Variants in PRPSAP2 observed in about 807,000 individuals in gnomAD.
The protein encoded by PRPSAP2 is phosphoribosyl pyrophosphate synthase-associated protein 2.
A neutral mutation model predicts 40.6 loss-of-function variants in PRPSAP2; 24 were observed. The ratio of observed to expected loss-of-function variants is 0.59; its 90% CI spans 0.43 to 0.83. The LOEUF (loss-of-function observed/expected upper bound fraction) is 0.83, where lower values mean the gene tolerates loss of function less well. PRPSAP2 is among the 40% of genes least tolerant of loss of function. The pLI is 0.00. For synonymous variants in PRPSAP2, 149 were observed against 164.7 expected (o/e 0.90, Z 0.73); for missense variants, 292 against 465.6 (o/e 0.63, Z 3.43).
At chr17:18,878,830 C>T (rs2038499378) in intron 6 of PRPSAP2, among the ~76,000 whole-genome samples, 1 of 151,886 alleles carries the variant, frequency 6.6e-6, no homozygotes, top group Admixed American at 6.6e-5. Flanking sequence ...AGGCGTAAGC[C>T]ACTGCACCCG....
In PRPSAP2 at chr17:18,882,701, TTTTTA is replaced by T. The variant is rs371719255; in HGVS notation, c.528+24_528+28del. ...AAGAAGAGGTGAGCTAGCTCAAACT[TTTTTA>T]TTTTAACATTCTGATTAAGGTTGAA... On this transcript the variant is annotated intron_variant, in intron 7 of 11. Coordinates refer to ENST00000268835, the MANE Select transcript of PRPSAP2 (RefSeq NM_002767.4). 22 of 1,466,862 alleles carry T rather than the reference TTTTTA, an allele frequency of 1.5e-5. No homozygotes were observed. In the African/African-American group the frequency reaches 1.7e-4, roughly 11 times the overall value. 90.9% of individuals were successfully genotyped at this position (1,466,862 alleles called of 1,614,324 possible).
chr17:18,862,093 G>T (rs868664475), intron 1 of PRPSAP2, among the ~76,000 whole-genome samples: 1 of 152,130 alleles, frequency 6.6e-6, no homozygotes, highest in African/African-American at 2.4e-5. Context: ...TCACCATGTT[G>T]GCCAGACTGG....
At position 18,882,699 on chromosome 17, in the gene PRPSAP2, CTT is replaced by C; in HGVS notation, c.528+21_528+22del. 1 of 1,474,104 alleles carries C rather than the reference CTT, an allele frequency of 6.8e-7. No homozygotes were observed. The highest frequency in any genetic ancestry group is 1.2e-5 in the South Asian group (1 of 86,888). The allele number at this position is 1,474,104 out of a possible 1,614,324, so 91.3% of individuals were successfully genotyped here. A position where few individuals can be genotyped will look rare whatever the true frequency, so the allele number is the denominator to read the frequency against. ...TCAAGAAGAGGTGAGCTAGCTCAAACTTTTTTATTTTAACATTCTGATTAAGG... is the reference window on the plus strand; with the variant it reads ...TCAAGAAGAGGTGAGCTAGCTCAAACTTTTATTTTAACATTCTGATTAAGG... On this transcript the variant is annotated intron_variant, in intron 7 of 11. Transcript: ENST00000268835.
Position 18,867,199 on chromosome 17 carries a change from C to T in PRPSAP2, c.120-83C>T, listed in dbSNP as rs1489628779. 6.2e-6 allele frequency: 8 copies of T among 1,299,468 alleles called. No homozygotes were observed. The South Asian group carries it at 6.5e-5, about 10-fold the overall frequency. 80.5% of individuals were successfully genotyped at this position (1,299,468 alleles called of 1,614,324 possible). The stretch of plus-strand genomic sequence containing the variant: ...TAACTTTATTTTATTTTACTCTTAT[C>T]GATTTACGAGTCTCCTTAAATAGTA... On this transcript the variant is annotated intron_variant, in intron 3 of 11. Transcript: ENST00000268835.
intron 7 of PRPSAP2, among the ~76,000 whole-genome samples, chr17:18,883,059 GA>G (rs2038877868): frequency 6.6e-6 from 1 of 152,120 alleles, no homozygotes; most frequent in Admixed American, 6.6e-5. Context: ...CTCCCAGCAA[GA>G]AAACTAGAGT....
intron 10 of PRPSAP2, among the ~76,000 whole-genome samples, chr17:18,927,181 A>G (rs2042022380): frequency 6.6e-6 from 1 of 152,140 alleles, no homozygotes; most frequent in Non-Finnish European, 1.5e-5. Flanking sequence ...CACTCCCACA[A>G]GCCTTTTTAT....
At chr17:18,928,315 A>G (rs1394809543) in intron 10 of PRPSAP2, 1 of 177,712 alleles carries the variant, frequency 5.6e-6, no homozygotes, top group Non-Finnish European at 1.2e-5. Flanking sequence ...TTGTAATAAC[A>G]TGTAAAAAAA....
chr17:18,882,278 G>A (rs919794659), intron 6 of PRPSAP2, among the ~76,000 whole-genome samples: 2 of 152,024 alleles, frequency 1.3e-5, no homozygotes, highest in Admixed American at 6.6e-5. Context: ...TTGGGAGGCT[G>A]AGGCAGGAGG....
At chr17:18,918,009 A>G (rs1445766434) in intron 9 of PRPSAP2, among the ~76,000 whole-genome samples, 1 of 152,114 alleles carries the variant, frequency 6.6e-6, no homozygotes, top group Non-Finnish European at 1.5e-5. Flanking sequence ...TTTAGGTCAC[A>G]GAGGTATATT....
intron 1 of PRPSAP2, among the ~76,000 whole-genome samples, chr17:18,863,230 C>G (rs1037220359): frequency 5.9e-5 from 9 of 151,982 alleles, no homozygotes; most frequent in Non-Finnish European, 1.0e-4. Flanking sequence ...CCCTGACCAT[C>G]TGGGCTCAAG....
In PRPSAP2 at chr17:18,875,989, C is replaced by T. The variant is rs145305522; in HGVS notation, c.240-1709C>T. 1.0e-3 allele frequency among the ~76,000 whole-genome samples: 152 copies of T among 152,020 alleles called. 1 individual carries two copies. The highest frequency in any genetic ancestry group is 3.6e-3 in the African/African-American group (148 of 41,442). ...TCTCTGCTAAAAATGCAAAATTAGC[C>T]GGGCATGGTGGCGCATGCCTGTGAT... On this transcript the variant is annotated intron_variant, in intron 5 of 11. Transcript: ENST00000268835.
intron 9 of PRPSAP2, among the ~76,000 whole-genome samples, chr17:18,919,241 G>T (rs913784405): frequency 6.6e-6 from 1 of 152,136 alleles, no homozygotes; most frequent in Admixed American, 6.5e-5. Context: ...GGGCGCAGTG[G>T]CTCACACCTG....
Position 18,885,671 on chromosome 17 carries a change from T to TC in PRPSAP2, c.528+2993dup, listed in dbSNP as rs1333059153. On this transcript the variant is annotated intron_variant, in intron 7 of 11. Transcript: ENST00000268835. ...GGCATGATCTCGGCTCACAGCAACC[T>TC]CCCCCTCCCAGGTTCAAGTGATTGT... Among the ~76,000 whole-genome samples the TC allele has an allele frequency of 3.3e-5, 5 of 151,944 alleles. 1 individual carries two copies. The highest frequency in any genetic ancestry group is 2.6e-4 in the Admixed American group (4 of 15,202).
At chr17:18,885,403 C>CT (rs2039059914) in intron 7 of PRPSAP2, among the ~76,000 whole-genome samples, 1 of 10,986 alleles carries the variant, frequency 9.1e-5, no homozygotes, top group Admixed American at 9.0e-4. Flanking sequence ...TTCCTTCTCA[C>CT]AAAAAAAAAA....
intron 9 of PRPSAP2, among the ~76,000 whole-genome samples, chr17:18,922,674 T>TAA: frequency 9.4e-6 from 1 of 105,854 alleles, no homozygotes; most frequent in Non-Finnish European, 2.0e-5. Context: ...TATAATTTTT[T>TAA]TTTTTTTTTT....
At position 18,907,671 on chromosome 17, in the gene PRPSAP2, A is replaced by C. The variant is rs191331856; in HGVS notation, c.585-3432A>C. ...TAAGCCCCAAATTGATAATTATGCA[A>C]GCCATACAAAATATATTCTCTGACC... On this transcript the variant is annotated intron_variant, in intron 8 of 11. Coordinates refer to ENST00000268835, the MANE Select transcript of PRPSAP2 (RefSeq NM_002767.4). Among the ~76,000 whole-genome samples, 217 of 152,320 alleles carry C rather than the reference A, an allele frequency of 1.4e-3. 1 individual carries two copies. The highest frequency in any genetic ancestry group is 5.1e-3 in the African/African-American group (210 of 41,564).
chr17:18,889,270 T>A (rs1472927588), intron 7 of PRPSAP2, among the ~76,000 whole-genome samples: 1 of 152,234 alleles, frequency 6.6e-6, no homozygotes, highest in Non-Finnish European at 1.5e-5. Flanking sequence ...TTATACATGT[T>A]GCTAGGTGTT....
chr17:18,922,668 A>ATTTTTTT (rs57263191), intron 9 of PRPSAP2, among the ~76,000 whole-genome samples: 7 of 89,824 alleles, frequency 7.8e-5, no homozygotes, highest in Admixed American at 2.8e-4. Context: ...TATATATATA[A>ATTTTTTT]TTTTTTTTTT....
upstream of PRPSAP2, chr17:18,857,796 G>A (rs8066636): frequency 0.53 from 80,847 of 152,030 alleles, 21,775 homozygotes; most frequent in Middle Eastern, 0.59. Context: ...GAGGAAACAA[G>A]CTCAGAGGGT....
Sources: allele counts gnomAD v4.1 joint callset (sites outside exome capture counted in the v4.1 genomes callset), GRCh38; gene constraint gnomAD v4.1.1; transcripts MANE v1.5; gene names NCBI Gene and HGNC (gene_info 2026-07-23, HGNC 2026-07-21).